FOCAD: variants seen among roughly 807,000 people sequenced by gnomAD.
FOCAD encodes focadhesin.
Under a neutral mutation model 225.6 loss-of-function variants are expected in FOCAD, and 198 were observed. The observed-to-expected ratio is 0.88, with a 90% CI of 0.78 to 0.99. The LOEUF (loss-of-function observed/expected upper bound fraction) is 0.99. FOCAD is among the 50% of genes least tolerant of loss of function. The pLI is 0.00. For missense variants in FOCAD, 2,713 were observed against 2,123.6 expected, an observed-to-expected ratio of 1.28 and a Z score of -5.46; for synonymous variants, 897 against 755.0, an observed-to-expected ratio of 1.19 and a Z score of -3.08.
chr9:20,757,996 A>G (rs1388937198), intron 5 of FOCAD, 94 bp from the exon 6 acceptor site: 6 of 625,326 alleles, frequency 9.6e-6, no homozygotes, highest in Admixed American at 3.2e-5. Context: ...AAGTCTCTAG[A>G]TGGTAGGTAC....
chr9:20,676,119 G>C (rs1822225633), intron 2 of FOCAD, among the ~76,000 whole-genome samples: 1 of 152,204 alleles, frequency 6.6e-6, no homozygotes, highest in African/African-American at 2.4e-5. Flanking sequence ...GAAAATGTGA[G>C]AGACTTAAAG....
chr9:20,664,135 A>T (rs1821825868), intron 2 of FOCAD, among the ~76,000 whole-genome samples: 1 of 151,938 alleles, frequency 6.6e-6, no homozygotes, highest in African/African-American at 2.4e-5. Flanking sequence ...TTCTGCAGAA[A>T]ATCTAATTTT....
At chr9:20,905,462 G>C (rs1025743839) in intron 21 of FOCAD, among the ~76,000 whole-genome samples, 1 of 151,676 alleles carries the variant, frequency 6.6e-6, no homozygotes, top group Admixed American at 6.6e-5. Flanking sequence ...TGAGGCTAAG[G>C]GTATTCTCAG....
chr9:20,947,609 C>A (rs779929073), intron 30 of FOCAD, among the ~76,000 whole-genome samples: 1 of 151,880 alleles, frequency 6.6e-6, no homozygotes, highest in Non-Finnish European at 1.5e-5. Context: ...GTACTTAATG[C>A]CGCTGAACTG....
chr9:20,967,220 T>A (rs1319706439), intron 35 of FOCAD, among the ~76,000 whole-genome samples: 1 of 152,130 alleles, frequency 6.6e-6, no homozygotes, highest in East Asian at 1.9e-4. Context: ...AACTTTTCGG[T>A]GTATAAGTCT....
chr9:20,881,843 CT>C (rs780908510), intron 19 of FOCAD, 27 bp from the exon 20 acceptor site: 42 of 1,601,430 alleles, frequency 2.6e-5, no homozygotes, highest in Admixed American at 3.6e-5. Flanking sequence ...ATTTACTCTA[CT>C]TTTGGTCTCC....
chr9:20,968,913 T>C (rs1377987254), intron 35 of FOCAD, among the ~76,000 whole-genome samples: 1 of 152,174 alleles, frequency 6.6e-6, no homozygotes, highest in African/African-American at 2.4e-5. Context: ...TTTATTGCTG[T>C]AGATGTCCCC....
At chr9:20,689,471 A>G (rs1295897708) in intron 1 of FOCAD, among the ~76,000 whole-genome samples, 2 of 152,024 alleles carry the variant, frequency 1.3e-5, no homozygotes, top group Non-Finnish European at 2.9e-5. Flanking sequence ...GGATGGGGTA[A>G]GTGGTCTGGA....
chr9:20,889,063 C>T (rs1181111422), intron 21 of FOCAD, among the ~76,000 whole-genome samples: 1 of 152,120 alleles, frequency 6.6e-6, no homozygotes, highest in Non-Finnish European at 1.5e-5. Context: ...GTAACCATTC[C>T]CACAAACAAT....
rs1287233661 is a variant in FOCAD, at chr9:20,907,168, G to C, written c.2644G>C (p.Glu882Gln). ...LVHEVHIQLS[E>Q]WHRAIFLPQA... is the part of the protein sequence containing the mutation. ...CCCATAGGTTCATATCCAGCTTTCA[G>C]AGTGGCACCGTGCAATTTTTCTTCC... The change falls in exon 22 of 44, where the codon GAG (glutamate) becomes CAG (glutamine). Residue 882 changes from glutamate to glutamine, a missense_variant. Coordinates refer to ENST00000338382, the MANE Select transcript of FOCAD (RefSeq NM_001375567.1). 3.7e-6 allele frequency: 6 copies of C among 1,613,016 alleles called. No individual in the cohort carries two copies.
At chr9:20,808,525 C>G (rs886716932) in intron 11 of FOCAD, among the ~76,000 whole-genome samples, 7 of 152,136 alleles carry the variant, frequency 4.6e-5, no homozygotes, top group African/African-American at 9.7e-5. Flanking sequence ...CCTTATTATC[C>G]TTAAAGATTA....
intron 15 of FOCAD, among the ~76,000 whole-genome samples, chr9:20,834,132 ACAT>A (rs2131519533): frequency 6.6e-6 from 1 of 152,260 alleles, no homozygotes; most frequent in African/African-American, 2.4e-5. Context: ...AAAAAGAACA[ACAT>A]CATGTCCATT....
chr9:20,891,088 G>A (rs969265438), intron 21 of FOCAD, among the ~76,000 whole-genome samples: 4 of 152,080 alleles, frequency 2.6e-5, no homozygotes, highest in African/African-American at 9.7e-5. Flanking sequence ...CTGTTGTGAT[G>A]ATCTATGATT....
At chr9:20,951,124 G>C (rs758272890) in intron 34 of FOCAD, 26 bp downstream of exon 34, 1 of 1,572,880 alleles carries the variant, frequency 6.4e-7, no homozygotes, top group South Asian at 1.1e-5. Flanking sequence ...TAAAATACTG[G>C]AGCTGGAAGG....
intron 4 of FOCAD, among the ~76,000 whole-genome samples, chr9:20,721,067 G>A (rs1435474608): frequency 6.6e-6 from 1 of 152,204 alleles, no homozygotes; most frequent in African/African-American, 2.4e-5. Context: ...TTTACAGACT[G>A]AGGTAATAGG....
chr9:20,796,487 A>G (rs1455838480), intron 11 of FOCAD, among the ~76,000 whole-genome samples: 7 of 152,180 alleles, frequency 4.6e-5, no homozygotes, highest in East Asian at 1.9e-4. Flanking sequence ...TTGTTTCCTG[A>G]CTTTTTAATG....
At chr9:20,930,240 C>T (rs1386868848) in intron 27 of FOCAD, among the ~76,000 whole-genome samples, 1 of 152,122 alleles carries the variant, frequency 6.6e-6, no homozygotes. Context: ...GTGGAAAATT[C>T]CACTAAATCG....
At chr9:20,942,994 A>T (rs995143701) in intron 28 of FOCAD, among the ~76,000 whole-genome samples, 1 of 152,226 alleles carries the variant, frequency 6.6e-6, no homozygotes, top group African/African-American at 2.4e-5. Flanking sequence ...AAATGTGTCT[A>T]AGTATTAATC....
At chr9:20,751,978 G>A (rs1413002795) in intron 5 of FOCAD, among the ~76,000 whole-genome samples, 2 of 145,010 alleles carry the variant, frequency 1.4e-5, no homozygotes, top group African/African-American at 2.5e-5. Context: ...GTCTGTTCAT[G>A]TCCTTCGCCC....
Sources: allele counts gnomAD v4.1 joint callset (sites outside exome capture counted in the v4.1 genomes callset), GRCh38; gene constraint gnomAD v4.1.1; transcripts MANE v1.5; gene names NCBI Gene and HGNC (gene_info 2026-07-23, HGNC 2026-07-21).